The following CYP20A1 variants were observed in gnomAD, a reference collection of about 807,000 sequenced individuals.
CYP20A1 encodes cytochrome P450 family 20 subfamily A member 1, also known as cytochrome P450 20A1.
CYP20A1 carries 61 observed loss-of-function variants against 61.4 expected under a neutral mutation model. That is an observed-to-expected ratio of 0.99 (90% CI 0.81 to 1.23). The LOEUF (loss-of-function observed/expected upper bound fraction) is 1.23. CYP20A1 is among the 50% of genes most tolerant of loss of function. CYP20A1 has a pLI of 0.00. For missense variants in CYP20A1, 530 were observed against 542.4 expected (o/e 0.98, Z 0.23); for synonymous variants, 193 against 188.2 (o/e 1.03, Z -0.21).
intron 4 of CYP20A1, 31 bp downstream of exon 4, chr2:203,252,140 C>T (rs1395640854): frequency 1.3e-6 from 2 of 1,534,276 alleles, no homozygotes; most frequent in Non-Finnish European, 1.8e-6. Flanking sequence ...GTCTAGTGTT[C>T]TACAACATAA....
chr2:203,263,434 C>A (rs919748565), intron 4 of CYP20A1, among the ~76,000 whole-genome samples: 1 of 151,748 alleles, frequency 6.6e-6, no homozygotes, highest in Non-Finnish European at 1.5e-5. Context: ...GGATTACAGG[C>A]GCCTGCCACC....
intron 3 of CYP20A1, among the ~76,000 whole-genome samples, chr2:203,248,582 A>G (rs2066545468): frequency 6.6e-6 from 1 of 152,190 alleles, no homozygotes; most frequent in South Asian, 2.1e-4. Context: ...AACAGATGTA[A>G]AAGAGTAGAG....
At chr2:203,243,684 TC>T (rs1342492777) in intron 1 of CYP20A1, among the ~76,000 whole-genome samples, 1 of 109,170 alleles carries the variant, frequency 9.2e-6, no homozygotes, top group Non-Finnish European at 1.8e-5. Context: ...GCGCCTGGCC[TC>T]TTTTTTTTTT....
intron 4 of CYP20A1, among the ~76,000 whole-genome samples, chr2:203,259,125 A>C (rs2067030280): frequency 1.3e-5 from 2 of 152,092 alleles, no homozygotes; most frequent in African/African-American, 4.8e-5. Flanking sequence ...CTGTTGTTCC[A>C]TATTCCATTG....
At chr2:203,289,706 T>C in intron 9 of CYP20A1, 59 bp from the exon 10 acceptor site, 1 of 850,034 alleles carries the variant, frequency 1.2e-6, no homozygotes, top group Non-Finnish European at 1.9e-6. Context: ...TTTAAATGTA[T>C]GTACATTTCT....
At chr2:203,269,595 A>G (rs995159918) in intron 5 of CYP20A1, among the ~76,000 whole-genome samples, 1 of 151,830 alleles carries the variant, frequency 6.6e-6, no homozygotes, top group Non-Finnish European at 1.5e-5. Flanking sequence ...CCCAGGTTAA[A>G]GCGATTCTCC....
intron 9 of CYP20A1, among the ~76,000 whole-genome samples, chr2:203,288,808 C>G (rs560050649): frequency 6.6e-6 from 1 of 152,268 alleles, no homozygotes; most frequent in East Asian, 1.9e-4. Context: ...TCCTGTGACA[C>G]ACAACTTACC....
chr2:203,288,895 G>A (rs1317926252), intron 9 of CYP20A1, among the ~76,000 whole-genome samples: 1 of 152,150 alleles, frequency 6.6e-6, no homozygotes, highest in Non-Finnish European at 1.5e-5. Context: ...TGGGTTTCTT[G>A]TAAGGATTCG....
chr2:203,261,568 G>T (rs1418076989), intron 4 of CYP20A1, among the ~76,000 whole-genome samples: 1 of 118,168 alleles, frequency 8.5e-6, no homozygotes, highest in Admixed American at 9.2e-5. Flanking sequence ...TGATCACTGC[G>T]CACTGCATCC....
intron 4 of CYP20A1, among the ~76,000 whole-genome samples, chr2:203,258,928 G>T (rs2067022260): frequency 1.3e-5 from 2 of 152,208 alleles, no homozygotes; most frequent in Middle Eastern, 6.8e-3. Context: ...GTATTTAATT[G>T]TGTATCCCCA....
intron 9 of CYP20A1, among the ~76,000 whole-genome samples, chr2:203,287,079 G>T (rs1321532742): frequency 6.6e-6 from 1 of 151,072 alleles, no homozygotes; most frequent in East Asian, 1.9e-4. Context: ...ATTAGCCAGG[G>T]ATGGTGGTGC....
In CYP20A1 at chr2:203,271,042, ATATG is replaced by A. The variant is rs1376390610; in HGVS notation, c.601-1624_601-1621del. Among the ~76,000 whole-genome samples, 93 of 72,370 alleles carry A rather than the reference ATATG, an allele frequency of 1.3e-3. 1 individual carries two copies. Among genetic ancestry groups the A allele is most frequent in the Non-Finnish European group, 2.2e-3 (78 of 35,220 alleles). The allele number at this position is 72,370 out of a possible 152,430, so 47.5% of individuals were successfully genotyped here. On this transcript the variant is annotated intron_variant, in intron 5 of 12. Transcript: ENST00000356079. ...TAATAGTTTGAGTGTATATATATAT[ATATG>A]TATATGTGTATATATATATATATAT... is the stretch of plus-strand genomic sequence containing the variant.
chr2:203,269,301 T>C (rs950002275), intron 5 of CYP20A1, among the ~76,000 whole-genome samples: 7 of 148,280 alleles, frequency 4.7e-5, no homozygotes, highest in African/African-American at 1.7e-4. Flanking sequence ...TTTTTTTTTT[T>C]AATTAGTGAA....
At chr2:203,267,478 G>A (rs1017175738) in intron 5 of CYP20A1, among the ~76,000 whole-genome samples, 1 of 150,238 alleles carries the variant, frequency 6.7e-6, no homozygotes, top group Non-Finnish European at 1.5e-5. Flanking sequence ...AGGTTATAGT[G>A]AGCCAAGACC....
chr2:203,243,131 A>G (rs566219508), intron 1 of CYP20A1, among the ~76,000 whole-genome samples: 1 of 152,264 alleles, frequency 6.6e-6, no homozygotes, highest in Non-Finnish European at 1.5e-5. Context: ...GTCTTCACCA[A>G]TAACTGATAA....
intron 1 of CYP20A1, among the ~76,000 whole-genome samples, chr2:203,244,112 A>T (rs1236216516): frequency 6.6e-6 from 1 of 151,312 alleles, no homozygotes; most frequent in Non-Finnish European, 1.5e-5. Flanking sequence ...TATGCTCCCA[A>T]TTAAATGCCC....
chr2:203,285,558 A>T, intron 8 of CYP20A1, 54 bp from the exon 9 acceptor site: 1 of 1,466,214 alleles, frequency 6.8e-7, no homozygotes. Flanking sequence ...CTTATTCTAT[A>T]CCCAAGCCAT....
chr2:203,280,540 T>C (rs2068000685), intron 8 of CYP20A1, among the ~76,000 whole-genome samples: 2 of 152,148 alleles, frequency 1.3e-5, no homozygotes. Flanking sequence ...TCGTCTCTGC[T>C]AAAAATAACA....
In CYP20A1 at chr2:203,297,736, G is replaced by A. The variant is rs2068872218; in HGVS notation, c.*828G>A. 2 of 152,214 alleles carry A rather than the reference G, an allele frequency of 1.3e-5. No homozygotes were observed. The highest frequency in any genetic ancestry group is 1.3e-4 in the Admixed American group (2 of 15,264). 9.4% of individuals were successfully genotyped at this position (152,214 alleles called of 1,614,324 possible). A position where few individuals can be genotyped will look rare whatever the true frequency, so the allele number is the denominator to read the frequency against. ...CTCACCCCTGTAATCCCAGTACTTT[G>A]GGAGGCTGAGGCGGGTGGAGCACCT... is the stretch of plus-strand genomic sequence containing the variant. On this transcript the variant is annotated 3_prime_UTR_variant, in exon 13 of 13. Coordinates refer to ENST00000356079, the MANE Select transcript of CYP20A1 (RefSeq NM_177538.3).
Sources: allele counts gnomAD v4.1 joint callset (sites outside exome capture counted in the v4.1 genomes callset), GRCh38; gene constraint gnomAD v4.1.1; transcripts MANE v1.5; gene names NCBI Gene and HGNC (gene_info 2026-07-23, HGNC 2026-07-21).